FSD2: variants seen among roughly 807,000 people sequenced by gnomAD.
FSD2 encodes fibronectin type III and SPRY domain containing 2.
FSD2 carries 71 observed loss-of-function variants against 80.4 expected under a neutral mutation model. That is an observed-to-expected ratio of 0.88 (90% confidence interval 0.73 to 1.08). The LOEUF (loss-of-function observed/expected upper bound fraction) is 1.08, where lower values mean the gene tolerates loss of function less well. Among genes scored for constraint, FSD2 ranks in the 50% least tolerant of loss-of-function variants. FSD2 has a pLI of 0.00. For missense variants in FSD2, 923 were observed against 913.8 expected, an observed-to-expected ratio of 1.01 and a Z score of -0.13; for synonymous variants, 361 against 329.5, an observed-to-expected ratio of 1.10 and a Z score of -1.03.
chr15:82,798,586 A>G (rs1351257404), intron 1 of FSD2, among the ~76,000 whole-genome samples: 1 of 152,186 alleles, frequency 6.6e-6, no homozygotes, highest in Non-Finnish European at 1.5e-5. Context: ...ATATTTTAAG[A>G]TATGGTTTAG....
chr15:82,785,973 C>T (rs1465218378), intron 3 of FSD2, among the ~76,000 whole-genome samples: 1 of 151,996 alleles, frequency 6.6e-6, no homozygotes, highest in African/African-American at 2.4e-5. Context: ...TCTTCACCAC[C>T]TGGGCTCAAA....
At position 82,756,812 on chromosome 15, in the gene FSD2, G is replaced by A. The variant is rs997348332; in HGVS notation, c.*2536C>T. ...TAAAGCTAAGAAAAGAACAGATTTT[G>A]ATAACTTTTGTTTTAACTGTCCAGT... On this transcript the variant is annotated 3_prime_UTR_variant, in exon 13 of 13. Coordinates refer to ENST00000334574, the MANE Select transcript of FSD2 (RefSeq NM_001007122.4). 1 of 152,212 alleles carries A rather than the reference G, an allele frequency of 6.6e-6. No individual in the cohort carries two copies. Among genetic ancestry groups the A allele is most frequent in the Admixed American group, 6.5e-5 (1 of 15,282 alleles). The allele number at this position is 152,212 out of a possible 1,614,324, so 9.4% of individuals were successfully genotyped here.
rs759703177 is a variant in FSD2 at position 82,787,096 on chromosome 15, C to G, written c.295G>C (p.Gly99Arg). 5 of 1,613,984 alleles carry G rather than the reference C, an allele frequency of 3.1e-6. No individual in the cohort carries two copies. Among genetic ancestry groups the G allele is most frequent in the Non-Finnish European group, 4.2e-6 (5 of 1,179,882 alleles). The part of the protein sequence containing the change: ...EFVDENIPRT[G>R]VSEYPPYMMK... Reference sequence around the variant, plus strand: ...ATATAAGGAGGATATTCTGAAACCCCTGTTCTGGGTATGTTTTCATCAACA... The same window carrying G: ...ATATAAGGAGGATATTCTGAAACCCGTGTTCTGGGTATGTTTTCATCAACA... Residue 99 changes from glycine (G) to arginine (R), a missense_variant, in exon 2 of 13, where the codon GGG becomes CGG. Gly to Arg is a moderately radical substitution (Grantham distance 125). Coordinates refer to ENST00000334574, the MANE Select transcript of FSD2 (RefSeq NM_001007122.4).
At chr15:82,804,483 T>C (rs977876061) in intron 1 of FSD2, among the ~76,000 whole-genome samples, 1 of 152,182 alleles carries the variant, frequency 6.6e-6, no homozygotes, top group East Asian at 1.9e-4. Flanking sequence ...TATTTAGCCC[T>C]GTGCTTGAAT....
At chr15:82,795,979 ATTTCCTTTTCT>A (rs2050255225) in intron 1 of FSD2, among the ~76,000 whole-genome samples, 3 of 145,624 alleles carry the variant, frequency 2.1e-5, no homozygotes, top group African/African-American at 7.6e-5. Context: ...AGAAGTTTTG[ATTTCCTTTTCT>A]TTTTCTTTTC....
chr15:82,765,132 C>A (rs1337974893), intron 11 of FSD2, 34 bp downstream of exon 11: 1 of 1,561,626 alleles, frequency 6.4e-7, no homozygotes, highest in Non-Finnish European at 8.7e-7. Context: ...TCGGGAAGTT[C>A]ACAGAACGCC....
chr15:82,765,892 A>G lies in FSD2; in HGVS notation c.1687+6T>C, dbSNP rs765801718. On this transcript the variant is annotated splice_donor_region_variant and intron_variant, in intron 10 of 12. Transcript: ENST00000334574. ...TCCCAGAGACTTTGTGGGCTGGGGC[A>G]CAGACCTATGGTGTGGACTGTAGCT... is the stretch of plus-strand genomic sequence containing the variant. 9.4e-6 allele frequency: 15 copies of G among 1,601,528 alleles called. No individual in the cohort carries two copies. In the East Asian group the frequency reaches 3.1e-4, roughly 33 times the overall value.
chr15:82,765,322 A>G (rs1457735610), intron 10 of FSD2, 24 bp from the exon 11 acceptor site: 1 of 1,612,520 alleles, frequency 6.2e-7, no homozygotes, highest in Non-Finnish European at 8.5e-7. Flanking sequence ...AACACACAGA[A>G]GACCCGCAGC....
chr15:82,782,869 T>A lies in FSD2; in HGVS notation c.892A>T (p.Asn298Tyr). The change falls in exon 4 of 13, where the codon AAC (asparagine) becomes TAC (tyrosine). Residue 298 changes from asparagine (N) to tyrosine (Y), a missense_variant. By Grantham distance (143) the Asn-to-Tyr change is moderately radical. Transcript: ENST00000334574. ...LYGQLVSCGE[N>Y]LDTCKELMET... The stretch of plus-strand genomic sequence containing the variant: ...ATCAGTTCTTTGCAAGTATCTAGGT[T>A]TTCTCCACAGCTGACCAGTTGTCCA... 1 of 1,614,052 alleles carries A rather than the reference T, an allele frequency of 6.2e-7. No homozygotes were observed. Among genetic ancestry groups the A allele is most frequent in the Non-Finnish European group, 8.5e-7 (1 of 1,179,890 alleles).
chr15:82,792,816 G>A (rs1212446246), intron 1 of FSD2, among the ~76,000 whole-genome samples: 1 of 152,080 alleles, frequency 6.6e-6, no homozygotes, highest in Non-Finnish European at 1.5e-5. Flanking sequence ...TGTCATATGT[G>A]ACTAGATTCA....
chr15:82,789,639 A>T (rs1227833829), intron 1 of FSD2, among the ~76,000 whole-genome samples: 1 of 152,196 alleles, frequency 6.6e-6, no homozygotes, highest in Non-Finnish European at 1.5e-5. Flanking sequence ...CAGATATCCA[A>T]CTACAGGGAG....
At chr15:82,778,667 G>C (rs543289566) in intron 6 of FSD2, 99 bp downstream of exon 6, 2 of 1,345,528 alleles carry the variant, frequency 1.5e-6, no homozygotes, top group South Asian at 1.5e-5. Flanking sequence ...TTTAAAATTT[G>C]TTAAGAGGAT....
intron 1 of FSD2, among the ~76,000 whole-genome samples, chr15:82,794,085 G>C (rs952541219): frequency 6.6e-6 from 1 of 151,476 alleles, no homozygotes; most frequent in Admixed American, 6.6e-5. Flanking sequence ...GTATTGATTT[G>C]AGATCTTTCT....
chr15:82,798,760 T>A (rs180732240), intron 1 of FSD2, among the ~76,000 whole-genome samples: 2 of 152,292 alleles, frequency 1.3e-5, no homozygotes, highest in Admixed American at 1.3e-4. Flanking sequence ...CAGCTCTGTT[T>A]AACTTTCTGC....
intron 6 of FSD2, among the ~76,000 whole-genome samples, chr15:82,773,141 C>T (rs957116568): frequency 2.6e-5 from 4 of 152,216 alleles, no homozygotes; most frequent in South Asian, 2.1e-4. Flanking sequence ...GCCACTTGTG[C>T]CCGGTCCTTT....
chr15:82,791,051 T>C (rs1281210314), intron 1 of FSD2, among the ~76,000 whole-genome samples: 1 of 151,836 alleles, frequency 6.6e-6, no homozygotes, highest in African/African-American at 2.4e-5. Flanking sequence ...CAGGCTGGAG[T>C]GCAGTGGCGC....
At chr15:82,767,928 C>T (rs375441847) in intron 9 of FSD2, among the ~76,000 whole-genome samples, 115 of 152,354 alleles carry the variant, frequency 7.5e-4, no homozygotes, top group African/African-American at 2.7e-3. Context: ...AGGGGAGCCC[C>T]TGGTCCTGGT....
intron 1 of FSD2, among the ~76,000 whole-genome samples, chr15:82,800,691 C>CAAAAAAAAAAAAAAAAA (rs769762172): frequency 1.0e-4 from 5 of 47,820 alleles, no homozygotes; most frequent in African/African-American, 2.0e-4. Flanking sequence ...GATTCTGTCT[C>CAAAAAAAAAAAAAAAAA]AAAAAAAAAA....
At chr15:82,789,637 C>T (rs2050092750) in intron 1 of FSD2, among the ~76,000 whole-genome samples, 1 of 152,148 alleles carries the variant, frequency 6.6e-6, no homozygotes, top group African/African-American at 2.4e-5. Context: ...CACAGATATC[C>T]AACTACAGGG....
Sources: gnomAD v4.1 joint callset for allele counts (sites outside exome capture counted in the v4.1 genomes callset) on GRCh38, gnomAD v4.1.1 for gene constraint, MANE v1.5 for transcripts, NCBI Gene and HGNC (gene_info 2026-07-23, HGNC 2026-07-21) for gene names.